The following RNPEPL1 variants were observed in gnomAD, a reference collection of about 807,000 sequenced individuals.
The protein encoded by RNPEPL1 is aminopeptidase RNPEPL1.
Under a neutral mutation model 69.0 loss-of-function variants are expected in RNPEPL1, and 46 were observed. That is an observed-to-expected ratio of 0.67 (90% CI 0.53 to 0.85). The LOEUF (loss-of-function observed/expected upper bound fraction) is 0.85, where lower values mean the gene tolerates loss of function less well. Ranked by LOEUF, RNPEPL1 falls within the 40% of genes least tolerant of loss-of-function variation. The pLI is 0.00. For missense variants in RNPEPL1, 869 were observed against 992.5 expected (o/e 0.88, Z 1.67); for synonymous variants, 525 against 454.1 (o/e 1.16, Z -1.98).
chr2:240,569,179 C>T, intron 1 of RNPEPL1, 65 bp downstream of exon 1: 1 of 1,364,210 alleles, frequency 7.3e-7, no homozygotes, highest in Non-Finnish European at 9.4e-7. Context: ...GGCCTCTCGC[C>T]GCACGGCCAG....
rs756857068 is a variant in RNPEPL1 at position 240,576,693 on chromosome 2, A to T, written c.1669A>T (p.Ile557Phe). Reference sequence around the variant, plus strand: ...AGCTGCCTCGGCCAGCGCCATTGACATCTCCAAGTGGAGGACCTTCCAGAC... The same window carrying T: ...AGCTGCCTCGGCCAGCGCCATTGACTTCTCCAAGTGGAGGACCTTCCAGAC... ...QAAASASAID[I>F]SKWRTFQTAL... Residue 557 changes from isoleucine to phenylalanine, a missense_variant, in exon 9 of 11, where the codon ATC (isoleucine) becomes TTC (phenylalanine). Ile to Phe is a conservative substitution (Grantham distance 21). Around this residue, in one of 2 missense-constraint regions of RNPEPL1, gnomAD observed 610 missense variants for 790.9 expected, o/e 0.77. Coordinates refer to ENST00000270357, the MANE Select transcript of RNPEPL1 (RefSeq NM_018226.6). 1 of 1,612,824 alleles carries T rather than the reference A, an allele frequency of 6.2e-7. No homozygotes were observed. Among genetic ancestry groups the T allele is most frequent in the African/African-American group, 1.3e-5 (1 of 74,916 alleles).
chr2:240,576,397 G>A (rs571255535), intron 8 of RNPEPL1, 138 bp from the exon 9 acceptor site: 8 of 748,238 alleles, frequency 1.1e-5, no homozygotes, highest in South Asian at 1.9e-5. Context: ...AGCTGACTCC[G>A]CCTTCCTGAA....
In RNPEPL1 at chr2:240,577,912, C is replaced by G. The variant is rs975382797; in HGVS notation, c.*20C>G. 38 of 1,468,006 alleles carry G rather than the reference C, an allele frequency of 2.6e-5. No individual in the cohort carries two copies. Among genetic ancestry groups the G allele is most frequent in the African/African-American group, 4.2e-5 (3 of 71,024 alleles). 90.9% of individuals were successfully genotyped at this position (1,468,006 alleles called of 1,614,324 possible). On this transcript the variant is annotated 3_prime_UTR_variant, in exon 11 of 11. Transcript: ENST00000270357. ...GCCTAGCCCTGTTGGCGGGCTGACC[C>G]TCGACCTCCCAGACACCACAATTGT... is the stretch of plus-strand genomic sequence containing the variant.
chr2:240,571,664 C>T (rs1210232115), intron 1 of RNPEPL1, among the ~76,000 whole-genome samples: 1 of 151,508 alleles, frequency 6.6e-6, no homozygotes, highest in Non-Finnish European at 1.5e-5. Context: ...TGAGGAAAGC[C>T]TCAACAGCTT....
Position 240,573,097 on chromosome 2 carries a change from G to A in RNPEPL1, c.670-13G>A, listed in dbSNP as rs371588308. ...CGGTGGGGCCACCCGGTCTCAGTCC[G>A]GCCTCCTTACAGGCGCCATCGGGGG... On this transcript the variant is annotated splice_polypyrimidine_tract_variant and intron_variant, in intron 2 of 10. Transcript: ENST00000270357. 62 of 1,590,144 alleles carry A rather than the reference G, an allele frequency of 3.9e-5. No individual in the cohort carries two copies. Among genetic ancestry groups the A allele is most frequent in the Admixed American group, 1.0e-4 (6 of 58,032 alleles).
intron 6 of RNPEPL1, 105 bp from the exon 7 acceptor site, chr2:240,574,925 G>A (rs1329922666): frequency 3.5e-6 from 3 of 866,058 alleles, no homozygotes; most frequent in Non-Finnish European, 5.9e-6. Flanking sequence ...GAGGGACAGT[G>A]GCGCTTGGCC....
Position 240,573,771 on chromosome 2 carries a change from C to T in RNPEPL1, c.822-4C>T, listed in dbSNP as rs2093029481. 3.9e-6 allele frequency: 6 copies of T among 1,532,140 alleles called. No individual in the cohort carries two copies. In the East Asian group the frequency reaches 1.5e-4, roughly 38 times the overall value. 94.9% of individuals were successfully genotyped at this position (1,532,140 alleles called of 1,614,324 possible). ...CCTCAGCTCACCCTCTCTGCATGCA[C>T]CAGGAGCCGCGTGTGGGCCGAGCCA... On this transcript the variant is annotated splice_polypyrimidine_tract_variant and splice_region_variant and intron_variant, in intron 3 of 10. Coordinates refer to ENST00000270357, the MANE Select transcript of RNPEPL1 (RefSeq NM_018226.6).
Position 240,574,245 on chromosome 2 carries a change from C to G in RNPEPL1, c.1071C>G (p.His357Gln), listed in dbSNP as rs1168047930. The change falls in exon 5 of 11, where the codon CAC (histidine) becomes CAG (glutamine). Residue 357 changes from histidine to glutamine, a missense_variant. Physicochemically the swap from His to Gln is conservative, Grantham distance 24 (BLOSUM62 0). Around this residue, in one of 2 missense-constraint regions of RNPEPL1, gnomAD observed 610 missense variants for 790.9 expected, o/e 0.77. Transcript: ENST00000270357. ...LVIDVIHEVA[H>Q]SWFGNAVTNA... ...TCGATGTCATCCACGAGGTGGCCCA[C>G]AGTTGGTTCGGCAACGCTGTCACCA... is the stretch of plus-strand genomic sequence containing the variant. The G allele has an allele frequency of 6.2e-7, 1 of 1,613,168 alleles. No homozygotes were observed. The highest frequency in any genetic ancestry group is 1.1e-5 in the South Asian group (1 of 91,082).
Position 240,577,873 on chromosome 2 carries a change from A to G in RNPEPL1, c.2159A>G (p.Asp720Gly). 6.5e-7 allele frequency: 1 copy of G among 1,544,440 alleles called. No individual in the cohort carries two copies. Among genetic ancestry groups the G allele is most frequent in the Non-Finnish European group, 8.8e-7 (1 of 1,139,626 alleles). ...EAPSSAISLR[D>G]VNVSA ...CCCAGCAGTGCCATCTCTCTCAGGGACGTCAATGTGTCTGCCTAGCCCTGT... is the reference window on the plus strand; with the variant it reads ...CCCAGCAGTGCCATCTCTCTCAGGGGCGTCAATGTGTCTGCCTAGCCCTGT... The change falls in exon 11 of 11, where the codon GAC becomes GGC. Residue 720 changes from aspartate (D) to glycine (G), a missense_variant. Around this residue, in one of 2 missense-constraint regions of RNPEPL1, gnomAD observed 610 missense variants for 790.9 expected, o/e 0.77. Coordinates refer to ENST00000270357, the MANE Select transcript of RNPEPL1 (RefSeq NM_018226.6).
At position 240,568,739 on chromosome 2, in the gene RNPEPL1, G is replaced by A. The variant is rs1273383710; in HGVS notation, c.153G>A (p.Arg51=). Residue 51 remains arginine, a synonymous_variant, in exon 1 of 11, where the codon CGG becomes CGA. Transcript: ENST00000270357. The surrounding 1 kb of genome is among the most constrained non-coding windows in gnomAD (Gnocchi z 6.2). ...ACCTGCAGCTGGGCCTGGAGCTGCGGCCCGAGGCGCGCGAGTTGGCCGGCT... is the reference window on the plus strand; with the variant it reads ...ACCTGCAGCTGGGCCTGGAGCTGCGACCCGAGGCGCGCGAGTTGGCCGGCT... ...LRHLQLGLEL[R]PEARELAGCL... 1.9e-6 allele frequency: 2 copies of A among 1,061,710 alleles called. No homozygotes were observed. The highest frequency in any genetic ancestry group is 2.3e-6 in the Non-Finnish European group (2 of 877,692). The allele number at this position is 1,061,710 out of a possible 1,614,324, so 65.8% of individuals were successfully genotyped here.
In RNPEPL1 at chr2:240,568,946, C is replaced by T. The variant is rs1004710505; in HGVS notation, c.360C>T (p.Pro120=). 5 of 1,390,564 alleles carry T rather than the reference C, an allele frequency of 3.6e-6. No homozygotes were observed. The African/African-American group carries it at 6.0e-5, about 17-fold the overall frequency. The allele number at this position is 1,390,564 out of a possible 1,614,324, so 86.1% of individuals were successfully genotyped here. A position where few individuals can be genotyped will look rare whatever the true frequency, so the allele number is the denominator to read the frequency against. ...GPGPAPPPPL[P]AFPEAPGSEP... Reference sequence around the variant, plus strand: ...GGCCCGCGCCGCCGCCCCCGCTGCCCGCCTTCCCCGAGGCGCCCGGCTCCG... The same window carrying T: ...GGCCCGCGCCGCCGCCCCCGCTGCCTGCCTTCCCCGAGGCGCCCGGCTCCG... Residue 120 remains proline (P), a synonymous_variant, in exon 1 of 11, where the codon CCC becomes CCT. Coordinates refer to ENST00000270357, the MANE Select transcript of RNPEPL1 (RefSeq NM_018226.6). This position sits in a 1 kb window ranked among gnomAD's most constrained non-coding sequence, Gnocchi z 6.2.
chr2:240,568,961 G>A lies in RNPEPL1; in HGVS notation c.375G>A (p.Ala125=). 1 of 1,436,156 alleles carries A rather than the reference G, an allele frequency of 7.0e-7. No homozygotes were observed. Among genetic ancestry groups the A allele is most frequent in the South Asian group, 1.4e-5 (1 of 73,242 alleles). 89.0% of individuals were successfully genotyped at this position (1,436,156 alleles called of 1,614,324 possible). ...PPPPLPAFPE[A]PGSEPACCPL... ...CCCCGCTGCCCGCCTTCCCCGAGGC[G>A]CCCGGCTCCGAGCCCGCCTGCTGTC... Residue 125 remains alanine (A), a synonymous_variant, in exon 1 of 11, where the codon GCG becomes GCA. Coordinates refer to ENST00000270357, the MANE Select transcript of RNPEPL1 (RefSeq NM_018226.6). The surrounding 1 kb of genome is among the most constrained non-coding windows in gnomAD (Gnocchi z 6.2).
intron 10 of RNPEPL1, 116 bp downstream of exon 10, chr2:240,577,106 G>A (rs866981020): frequency 7.4e-7 from 1 of 1,351,268 alleles, no homozygotes; most frequent in Non-Finnish European, 1.0e-6. Flanking sequence ...CTGGAGAATG[G>A]GGCGGGGAAG....
chr2:240,580,274 G>C lies in RNPEPL1; in HGVS notation c.*2382G>C, dbSNP rs1044275352. 6.6e-6 allele frequency: 1 copy of C among 152,100 alleles called. No individual in the cohort carries two copies. Among genetic ancestry groups the C allele is most frequent in the Non-Finnish European group, 1.5e-5 (1 of 68,050 alleles). The allele number at this position is 152,100 out of a possible 1,614,324, so 9.4% of individuals were successfully genotyped here. ...GTTTCCCAACCTCTCCACTAGATAC[G>C]CACACTTAGCTCACGGTCTGCCTCA... On this transcript the variant is annotated 3_prime_UTR_variant, in exon 11 of 11. Transcript: ENST00000270357.
intron 1 of RNPEPL1, among the ~76,000 whole-genome samples, chr2:240,569,414 G>A (rs1050285615): frequency 1.3e-5 from 2 of 152,242 alleles, no homozygotes; most frequent in East Asian, 1.9e-4. Flanking sequence ...GCAGGATCCT[G>A]GCACCAAGGG....
rs2093033593 is a variant in RNPEPL1 at position 240,575,030 on chromosome 2, G to C, written c.1289G>C (p.Gly430Ala). 1 of 1,612,642 alleles carries C rather than the reference G, an allele frequency of 6.2e-7. No homozygotes were observed. The highest frequency in any genetic ancestry group is 1.3e-5 in the African/African-American group (1 of 74,930). ...VSKLQVKLEP[G>A]VNPSHLMNLF... ...GCCCAGGTGGGTGTTCACCTTGCAG[G>C]AGTGAATCCCAGCCACCTGATGAAC... Residue 430 changes from glycine (G) to alanine (A), a missense_variant and splice_region_variant, in exon 7 of 11, where the codon GGA (glycine) becomes GCA (alanine). Physicochemically the swap from Gly to Ala is moderately conservative, Grantham distance 60. This residue lies in a region of RNPEPL1 where 610 missense variants were observed against 790.9 expected (regional missense o/e 0.77). Coordinates refer to ENST00000270357, the MANE Select transcript of RNPEPL1 (RefSeq NM_018226.6).
At chr2:240,577,062 C>T in intron 10 of RNPEPL1, 72 bp downstream of exon 10, 2 of 1,581,058 alleles carry the variant, frequency 1.3e-6, no homozygotes, top group South Asian at 2.2e-5. Flanking sequence ...ACCCGACTCC[C>T]TAGTCTGAGC....
At chr2:240,569,424 G>T (rs1338855717) in intron 1 of RNPEPL1, among the ~76,000 whole-genome samples, 5 of 152,246 alleles carry the variant, frequency 3.3e-5, no homozygotes, top group Non-Finnish European at 7.3e-5. Context: ...GGCACCAAGG[G>T]TTGGGCTGGA....
rs1448456995 is a variant in RNPEPL1, at chr2:240,579,846, CTCT to C, written c.*1959_*1961del. ...AGCAGTCACAGACTTTCATCCTGGG[CTCT>C]TCTTTCTTTTGCAATTCAGCTCTCG... On this transcript the variant is annotated 3_prime_UTR_variant, in exon 11 of 11. Transcript: ENST00000270357. 1.3e-5 allele frequency: 2 copies of C among 152,264 alleles called. No homozygotes were observed. Among genetic ancestry groups the C allele is most frequent in the African/African-American group, 2.4e-5 (1 of 41,466 alleles). 9.4% of individuals were successfully genotyped at this position (152,264 alleles called of 1,614,324 possible).
Sources: gnomAD v4.1 joint callset for allele counts (sites outside exome capture counted in the v4.1 genomes callset) on GRCh38, gnomAD v4.1.1 for gene constraint, gnomAD v4.1.1 regional missense constraint, Gnocchi (gnomAD v3.1) non-coding constraint, MANE v1.5 for transcripts, NCBI Gene and HGNC (gene_info 2026-07-23, HGNC 2026-07-21) for gene names.